MYO18B: variants seen among roughly 807,000 people sequenced by gnomAD.
MYO18B encodes the protein unconventional myosin-XVIIIb.
Under a neutral mutation model 273.0 loss-of-function variants are expected in MYO18B, and 204 were observed. The observed-to-expected ratio is 0.75, with a 90% CI of 0.67 to 0.84. MYO18B has a LOEUF of 0.84. MYO18B is among the 40% of genes least tolerant of loss of function. The pLI, the probability that MYO18B is intolerant of heterozygous loss-of-function variation, is 0.00. For synonymous variants in MYO18B, 1,330 were observed against 1,305.7 expected (o/e 1.02, Z -0.40); for missense variants, 3,212 against 3,287.6 (o/e 0.98, Z 0.56).
the MYO18B span, among the ~76,000 whole-genome samples, chr22:26,060,908 A>AACGT: frequency 6.6e-6 from 1 of 151,670 alleles, no homozygotes; most frequent in African/African-American, 2.4e-5. Context: ...CATATACACA[A>AACGT]ACATACATAT....
chr22:25,893,459 T>C (rs1032481330), intron 27 of MYO18B, among the ~76,000 whole-genome samples: 6 of 152,164 alleles, frequency 3.9e-5, no homozygotes, highest in Non-Finnish European at 8.8e-5. Context: ...GTTTCCCCTC[T>C]TGTTCGTGTT....
intron 1 of MYO18B, among the ~76,000 whole-genome samples, chr22:25,757,306 G>T (rs755593880): frequency 4.0e-5 from 6 of 151,726 alleles, no homozygotes; most frequent in Non-Finnish European, 8.8e-5. Context: ...ACAAGGCCTT[G>T]AAGTCCTGGT....
chr22:25,875,283 A>G (rs565746829), intron 23 of MYO18B, among the ~76,000 whole-genome samples: 4 of 152,356 alleles, frequency 2.6e-5, no homozygotes, highest in South Asian at 2.1e-4. Context: ...GACACTGGGC[A>G]TGTGACTTTA....
At chr22:25,907,756 C>T (rs926956427) in intron 31 of MYO18B, among the ~76,000 whole-genome samples, 7 of 152,002 alleles carry the variant, frequency 4.6e-5, no homozygotes, top group Admixed American at 1.3e-4. Context: ...AGAAGGGGGC[C>T]GGGCCCGGTG....
downstream of MYO18B, among the ~76,000 whole-genome samples, chr22:26,034,159 G>A (rs1415005945): frequency 2.0e-5 from 3 of 152,128 alleles, no homozygotes; most frequent in Admixed American, 6.5e-5. Flanking sequence ...CACCATGTAG[G>A]CCAGGCTTTG....
intron 37 of MYO18B, among the ~76,000 whole-genome samples, chr22:25,951,159 G>C (rs1173353141): frequency 6.6e-6 from 1 of 152,190 alleles, no homozygotes; most frequent in Non-Finnish European, 1.5e-5. Flanking sequence ...TGACTCAGAT[G>C]TTAATCTCTT....
In MYO18B at chr22:25,846,120, T is replaced by C. The variant is rs1212794910; in HGVS notation, c.3389T>C (p.Phe1130Ser). 3.8e-6 allele frequency: 6 copies of C among 1,585,928 alleles called. No homozygotes were observed. In the East Asian group the frequency reaches 1.4e-4, roughly 36 times the overall value. Residue 1130 changes from phenylalanine to serine, a missense_variant, in exon 19 of 44, where the codon TTC (phenylalanine) becomes TCC (serine). Physicochemically the swap from Phe to Ser is radical, Grantham distance 155. Transcript: ENST00000335473. Reference protein sequence around the residue: ...QSKREELRSLFQARAKLPPVC... With the variant: ...QSKREELRSLSQARAKLPPVC... ...ACCAGAGAGGAGCTGCGGAGTCTAT[T>C]CCAGGCCCGGGCCAAGCTGCCTCCT...
intron 5 of MYO18B, 97 bp downstream of exon 5, chr22:25,770,273 T>A: frequency 7.9e-7 from 1 of 1,261,834 alleles, no homozygotes. Context: ...TATACTTTGG[T>A]GGTCAGGAGG....
the MYO18B span, among the ~76,000 whole-genome samples, chr22:26,046,371 C>G: frequency 6.6e-6 from 1 of 152,214 alleles, no homozygotes; most frequent in African/African-American, 2.4e-5. Flanking sequence ...CTAACTTGCA[C>G]TAACTCAGAA....
chr22:25,798,757 G>T (rs996702672), intron 12 of MYO18B, among the ~76,000 whole-genome samples: 2 of 151,914 alleles, frequency 1.3e-5, no homozygotes, highest in East Asian at 3.9e-4. Context: ...TGTAGATAGG[G>T]GTCTCACTTT....
chr22:25,804,825 C>G (rs911749543), intron 12 of MYO18B, among the ~76,000 whole-genome samples: 1 of 152,252 alleles, frequency 6.6e-6, no homozygotes, highest in Non-Finnish European at 1.5e-5. Flanking sequence ...TGCCTGACAG[C>G]CTTGGCAGAT....
At chr22:26,035,868 A>T (rs548015779), downstream of MYO18B, among the ~76,000 whole-genome samples, 2 of 152,336 alleles carry the variant, frequency 1.3e-5, no homozygotes, top group South Asian at 2.1e-4. Flanking sequence ...CAGCTTTCTG[A>T]TACCATCCAG....
At chr22:25,776,767 A>T (rs889981033) in intron 7 of MYO18B, among the ~76,000 whole-genome samples, 1 of 152,164 alleles carries the variant, frequency 6.6e-6, no homozygotes, top group Non-Finnish European at 1.5e-5. Context: ...TGATTTCTTT[A>T]GGGTAAACAC....
At chr22:26,004,656 T>C (rs1934280036) in intron 41 of MYO18B, 62 bp from the exon 42 acceptor site, 9 of 1,590,974 alleles carry the variant, frequency 5.7e-6, no homozygotes, top group Non-Finnish European at 6.9e-6. Flanking sequence ...TGGGTGAATA[T>C]CTAATTATTG....
At chr22:26,054,430 A>G in the MYO18B span, among the ~76,000 whole-genome samples, 126 of 152,136 alleles carry the variant, frequency 8.3e-4, 1 homozygote, top group Non-Finnish European at 1.4e-3. Flanking sequence ...CCCTGTTACT[A>G]TGATTAATTT....
At chr22:25,920,775 C>T (rs1260038442) in intron 33 of MYO18B, among the ~76,000 whole-genome samples, 1 of 152,198 alleles carries the variant, frequency 6.6e-6, no homozygotes, top group Non-Finnish European at 1.5e-5. Context: ...AGATCAATAA[C>T]ATTAATAACT....
intron 31 of MYO18B, among the ~76,000 whole-genome samples, chr22:25,905,391 A>G (rs189333610): frequency 1.1e-3 from 168 of 152,332 alleles, no homozygotes; most frequent in Middle Eastern, 3.4e-3. Flanking sequence ...GTGGATGCTG[A>G]GGGTGCAATT....
At chr22:25,759,156 A>G (rs1406852568) in intron 1 of MYO18B, among the ~76,000 whole-genome samples, 1 of 152,236 alleles carries the variant, frequency 6.6e-6, no homozygotes, top group African/African-American at 2.4e-5. Flanking sequence ...ATGACATACA[A>G]ATAATACCCC....
At chr22:25,838,990 A>C (rs898964128) in intron 17 of MYO18B, among the ~76,000 whole-genome samples, 1 of 150,870 alleles carries the variant, frequency 6.6e-6, no homozygotes, top group Non-Finnish European at 1.5e-5. Context: ...TATGTAGTGC[A>C]TGTGCCTGTG....
Sources: allele counts gnomAD v4.1 joint callset (sites outside exome capture counted in the v4.1 genomes callset), GRCh38; gene constraint gnomAD v4.1.1; transcripts MANE v1.5; gene names NCBI Gene and HGNC (gene_info 2026-07-23, HGNC 2026-07-21).